SLC1A2: variants seen among roughly 807,000 people sequenced by gnomAD.
SLC1A2 encodes excitatory amino acid transporter 2.
SLC1A2 carries 15 observed loss-of-function variants against 48.8 expected under a neutral mutation model. That is an observed-to-expected ratio of 0.31 (90% confidence interval 0.21 to 0.47). The LOEUF (loss-of-function observed/expected upper bound fraction) is 0.47, where lower values mean the gene tolerates loss of function less well. Among genes scored for constraint, SLC1A2 ranks in the 20% least tolerant of loss-of-function variants. The probability of loss-of-function intolerance (pLI) is 0.99; values close to 1 mark genes in which losing one functional copy is unlikely to be tolerated. For synonymous variants in SLC1A2, 279 were observed against 272.6 expected, an observed-to-expected ratio of 1.02 and a Z score of -0.23; for missense variants, 502 against 730.5, an observed-to-expected ratio of 0.69 and a Z score of 3.61.
At chr11:35,261,025 G>A in intron 10 of SLC1A2, 60 bp from the exon 11 acceptor site, 1 of 1,239,760 alleles carries the variant, frequency 8.1e-7, no homozygotes, top group Non-Finnish European at 1.2e-6. Flanking sequence ...AAAGCCCTGT[G>A]GGTTATGTGG....
At chr11:35,315,447 C>A in intron 2 of SLC1A2, 1 of 300,666 alleles carries the variant, frequency 3.3e-6, no homozygotes, top group African/African-American at 2.1e-5. Flanking sequence ...CAACTTGACT[C>A]CAACTTATTT....
chr11:35,376,706 A>G (rs1452405689), intron 1 of SLC1A2, among the ~76,000 whole-genome samples: 1 of 152,194 alleles, frequency 6.6e-6, no homozygotes, highest in African/African-American at 2.4e-5. Context: ...TTCAATTGTG[A>G]ATAATAATTT....
At chr11:35,387,817 CA>C (rs67984867) in intron 1 of SLC1A2, among the ~76,000 whole-genome samples, 23,687 of 149,502 alleles carry the variant, frequency 0.16, 1,932 homozygotes, top group Middle Eastern at 0.21. Flanking sequence ...GAGGAAGTGA[CA>C]AAAAAAAACA....
chr11:35,364,141 C>A (rs1264590719), intron 1 of SLC1A2, among the ~76,000 whole-genome samples: 1 of 152,190 alleles, frequency 6.6e-6, no homozygotes, highest in African/African-American at 2.4e-5. Context: ...GGAGAGAAGA[C>A]ACTCCCTGCT....
chr11:35,317,484 C>A lies in SLC1A2; in HGVS notation c.50G>T (p.Arg17Leu). The A allele has an allele frequency of 6.2e-7, 1 of 1,614,064 alleles. No homozygotes were observed. The highest frequency in any genetic ancestry group is 8.5e-7 in the Non-Finnish European group (1 of 1,180,000). The part of the protein sequence containing the change: ...ANNMPKQVEV[R>L]MHDSHLGSEE... ...TGAGCCAAGATGACTGTCGTGCATT[C>A]GCACTTCCACCTGCTTGGGCATATT... Residue 17 changes from arginine to leucine, a missense_variant, in exon 2 of 11, where the codon CGA becomes CTA. Coordinates refer to ENST00000278379, the MANE Select transcript of SLC1A2 (RefSeq NM_004171.4).
At chr11:35,407,796 G>A (rs76987231) in intron 1 of SLC1A2, among the ~76,000 whole-genome samples, 3,451 of 152,140 alleles carry the variant, frequency 0.023, 69 homozygotes, top group Non-Finnish European at 0.034. Flanking sequence ...CCTGCACCCC[G>A]CACCCCGTGA....
At chr11:35,405,306 G>A (rs193150686) in intron 1 of SLC1A2, among the ~76,000 whole-genome samples, 3 of 152,240 alleles carry the variant, frequency 2.0e-5, no homozygotes, top group Admixed American at 1.3e-4. Flanking sequence ...GAACTCTATT[G>A]AGACTGATTA....
intron 1 of SLC1A2, among the ~76,000 whole-genome samples, chr11:35,387,584 C>T (rs1445058025): frequency 6.6e-6 from 1 of 152,180 alleles, no homozygotes; most frequent in Non-Finnish European, 1.5e-5. Flanking sequence ...GTAACAACTG[C>T]AAGGCCTATT....
At chr11:35,313,648 G>C (rs574718969) in intron 3 of SLC1A2, among the ~76,000 whole-genome samples, 1 of 152,172 alleles carries the variant, frequency 6.6e-6, no homozygotes, top group Non-Finnish European at 1.5e-5. Context: ...AATTCTAGCC[G>C]ACGGGAGCTA....
rs751441297 is a variant in SLC1A2, at chr11:35,265,650, C to A, written c.1530G>T (p.Val510=). 1 of 1,612,698 alleles carries A rather than the reference C, an allele frequency of 6.2e-7. No individual in the cohort carries two copies. The highest frequency in any genetic ancestry group is 1.1e-5 in the South Asian group (1 of 91,056). ...ELDTIDSQHR[V]HEDIEMTKTQ... ...TCTTGGTCATTTCAATATCTTCATG[C>A]ACTCGATGCTGGGAGTCAATGGTAT... Residue 510 remains valine (V), a synonymous_variant, in exon 10 of 11, where the codon GTG becomes GTT. Transcript: ENST00000278379.
intron 7 of SLC1A2, chr11:35,291,637 A>G (rs1851012216): frequency 6.6e-6 from 1 of 152,530 alleles, no homozygotes; most frequent in African/African-American, 2.4e-5. Context: ...GTCCAAGATG[A>G]TAGTCCAAAA....
intron 1 of SLC1A2, among the ~76,000 whole-genome samples, chr11:35,408,491 C>T (rs540224154): frequency 2.6e-5 from 4 of 152,346 alleles, no homozygotes; most frequent in African/African-American, 9.6e-5. Context: ...GCTTCTTCAT[C>T]ATTTTTCTCT....
At chr11:35,344,069 G>T (rs371912870) in intron 1 of SLC1A2, among the ~76,000 whole-genome samples, 1 of 151,360 alleles carries the variant, frequency 6.6e-6, no homozygotes, top group Non-Finnish European at 1.5e-5. Context: ...TTTTTTACAG[G>T]TGAGACCTAA....
chr11:35,338,114 C>A (rs1190662055), intron 1 of SLC1A2, among the ~76,000 whole-genome samples: 1 of 152,140 alleles, frequency 6.6e-6, no homozygotes, highest in Non-Finnish European at 1.5e-5. Flanking sequence ...TGGGCCAAAT[C>A]CAGTCAACAG....
In SLC1A2 at chr11:35,331,916, C is replaced by T. The variant is rs185570095; in HGVS notation, c.18-14400G>A. 5.1e-4 allele frequency among the ~76,000 whole-genome samples: 78 copies of T among 152,250 alleles called. No individual in the cohort carries two copies. In the East Asian group the frequency reaches 0.013, roughly 26 times the overall value. On this transcript the variant is annotated intron_variant, in intron 1 of 10. Coordinates refer to ENST00000278379, the MANE Select transcript of SLC1A2 (RefSeq NM_004171.4). ...GAAGGGCCATACATCTATCCCTGGG[C>T]CCTGTCCATGTTAGGTGTTTAATAA...
chr11:35,395,466 A>C (rs896963208), intron 1 of SLC1A2, among the ~76,000 whole-genome samples: 1 of 151,988 alleles, frequency 6.6e-6, no homozygotes, highest in African/African-American at 2.4e-5. Context: ...AAGGGAAGGT[A>C]AGAGACCCCA....
intron 6 of SLC1A2, among the ~76,000 whole-genome samples, chr11:35,294,277 T>C (rs542946277): frequency 1.3e-5 from 2 of 152,354 alleles, no homozygotes; most frequent in African/African-American, 4.8e-5. Context: ...TTAGCATAGC[T>C]GCTCTCTTCC....
At position 35,263,464 on chromosome 11, in the gene SLC1A2, G is replaced by A. The variant is rs762084792; in HGVS notation, c.1653+2063C>T. On this transcript the variant is annotated intron_variant, in intron 10 of 10. Coordinates refer to ENST00000278379, the MANE Select transcript of SLC1A2 (RefSeq NM_004171.4). ...GCCTGGGCAACAAGAGTGAAACTCC[G>A]TCTTAAAAAAAAGAAAAAGAAGCAA... is the stretch of plus-strand genomic sequence containing the variant. Among the ~76,000 whole-genome samples the A allele has an allele frequency of 7.4e-4, 112 of 152,098 alleles. 1 individual carries two copies. Among genetic ancestry groups the A allele is most frequent in the Middle Eastern group, 6.8e-3 (2 of 294 alleles).
chr11:35,335,017 C>A (rs1241361971), intron 1 of SLC1A2, among the ~76,000 whole-genome samples: 2 of 152,172 alleles, frequency 1.3e-5, no homozygotes, highest in Admixed American at 6.5e-5. Context: ...GGTCTGTCTT[C>A]ATCCAAACCC....
Sources: gnomAD v4.1 joint callset for allele counts (sites outside exome capture counted in the v4.1 genomes callset) on GRCh38, gnomAD v4.1.1 for gene constraint, MANE v1.5 for transcripts, NCBI Gene and HGNC (gene_info 2026-07-23, HGNC 2026-07-21) for gene names.